ANXA8: variants seen among roughly 807,000 people sequenced by gnomAD.
ANXA8 encodes the protein VAC-beta.
ANXA8 carries 9 observed loss-of-function variants against 26.8 expected under a neutral mutation model. The observed-to-expected ratio is 0.34, with a 90% CI of 0.20 to 0.59. ANXA8 has a LOEUF of 0.59. Ranked by LOEUF, ANXA8 falls within the 20% of genes least tolerant of loss-of-function variation. The pLI is 0.84. For synonymous variants in ANXA8, 39 were observed against 94.8 expected, an observed-to-expected ratio of 0.41 and a Z score of 3.42; for missense variants, 83 against 238.5, an observed-to-expected ratio of 0.35 and a Z score of 4.29.
chr10:47,967,321 T>A, the ANXA8 span, among the ~76,000 whole-genome samples: 26 of 150,988 alleles, frequency 1.7e-4, 1 homozygote, highest in African/African-American at 5.9e-4. Context: ...CTGGAGAAAA[T>A]TTATCTACCT....
the ANXA8 span, among the ~76,000 whole-genome samples, chr10:47,626,527 T>C: frequency 1.3e-5 from 2 of 149,862 alleles, no homozygotes; most frequent in African/African-American, 2.5e-5. Context: ...TTTTATTCAG[T>C]TTTAGAACGT....
chr10:47,705,954 G>A, the ANXA8 span, among the ~76,000 whole-genome samples: 1 of 150,764 alleles, frequency 6.6e-6, no homozygotes, highest in Non-Finnish European at 1.5e-5. Flanking sequence ...GGCGGGCCAC[G>A]GCGCGAAGAG....
rs1281388669 is a variant in ANXA8, at chr10:47,483,450, T to C, written c.21+463A>G. ...CTCCGGTACCAGGACCCTTGAGCTG[T>C]GCTGAGCAGCTTCCCTCGAAGCCAA... is the stretch of plus-strand genomic sequence containing the variant. On this transcript the variant is annotated intron_variant, in intron 1 of 11. Coordinates refer to ENST00000585281, the MANE Select transcript of ANXA8 (RefSeq NM_001040084.3). Among the ~76,000 whole-genome samples the C allele has an allele frequency of 5.2e-5, 7 of 134,234 alleles. 1 individual carries two copies. The highest frequency in any genetic ancestry group is 9.3e-5 in the Non-Finnish European group (6 of 64,828). The allele number at this position is 134,234 out of a possible 152,430, so 88.1% of individuals were successfully genotyped here. A position where few individuals can be genotyped will look rare whatever the true frequency, so the allele number is the denominator to read the frequency against.
chr10:47,946,820 G>A, the ANXA8 span, among the ~76,000 whole-genome samples: 1 of 151,270 alleles, frequency 6.6e-6, no homozygotes, highest in African/African-American at 2.4e-5. Flanking sequence ...AGCCTTCCGA[G>A]TAGCTGAGAT....
chr10:47,559,993 G>T, the ANXA8 span, among the ~76,000 whole-genome samples: 1 of 150,804 alleles, frequency 6.6e-6, no homozygotes, highest in Non-Finnish European at 1.5e-5. Context: ...AGCTGGGAAA[G>T]AAAATTTAAC....
At chr10:47,703,546 C>A in the ANXA8 span, among the ~76,000 whole-genome samples, 1 of 147,400 alleles carries the variant, frequency 6.8e-6, no homozygotes, top group South Asian at 2.1e-4. Context: ...TCAGCCTGGG[C>A]AACAGAGTGA....
At chr10:47,743,357 C>CATATAT in the ANXA8 span, among the ~76,000 whole-genome samples, 1 of 41,702 alleles carries the variant, frequency 2.4e-5, no homozygotes, top group African/African-American at 6.8e-5. Context: ...TATATATACA[C>CATATAT]ATATATATAT....
chr10:47,949,622 G>A, the ANXA8 span, among the ~76,000 whole-genome samples: 1 of 150,702 alleles, frequency 6.6e-6, no homozygotes, highest in Non-Finnish European at 1.5e-5. Flanking sequence ...TAGCATGATG[G>A]ACAGAATGGA....
the ANXA8 span, among the ~76,000 whole-genome samples, chr10:47,715,112 C>T: frequency 0.05 from 30 of 606 alleles, no homozygotes; most frequent in African/African-American, 0.24. Context: ...AAATGATGAC[C>T]GTTCAGGAGG....
chr10:47,667,974 A>G, the ANXA8 span, among the ~76,000 whole-genome samples: 1 of 151,936 alleles, frequency 6.6e-6, no homozygotes, highest in Non-Finnish European at 1.5e-5. Flanking sequence ...CTGACCTCAA[A>G]TGATCCACTC....
chr10:47,519,545 C>A, the ANXA8 span, among the ~76,000 whole-genome samples: 4 of 101,000 alleles, frequency 4.0e-5, no homozygotes, highest in Admixed American at 3.2e-4. Flanking sequence ...CCTGCTTCCC[C>A]TTTGCCTTTT....
At chr10:47,679,465 G>A in the ANXA8 span, among the ~76,000 whole-genome samples, 6 of 152,010 alleles carry the variant, frequency 3.9e-5, no homozygotes, top group Non-Finnish European at 7.3e-5. Flanking sequence ...AATATAAAAA[G>A]TTAGCTAAGC....
chr10:47,705,829 G>A, the ANXA8 span, among the ~76,000 whole-genome samples: 1 of 151,806 alleles, frequency 6.6e-6, no homozygotes. Context: ...ACCGGGTCAT[G>A]ACGCAGCGAG....
the ANXA8 span, among the ~76,000 whole-genome samples, chr10:47,705,048 T>C: frequency 2.0e-5 from 3 of 152,070 alleles, no homozygotes; most frequent in Non-Finnish European, 4.4e-5. Flanking sequence ...GGAGGATCTC[T>C]TGAGGCAAAG....
the ANXA8 span, among the ~76,000 whole-genome samples, chr10:47,704,816 T>C: frequency 6.6e-6 from 1 of 152,032 alleles, no homozygotes; most frequent in Admixed American, 6.5e-5. Context: ...TAACAAAGTA[T>C]GTGCAAGACC....
At chr10:47,693,348 G>GCACTCTA in the ANXA8 span, among the ~76,000 whole-genome samples, 1 of 149,646 alleles carries the variant, frequency 6.7e-6, no homozygotes, top group South Asian at 2.1e-4. Flanking sequence ...AGAGTGCAGT[G>GCACTCTA]GCGCGATGTC....
chr10:47,568,086 G>C, the ANXA8 span: 1 of 417,220 alleles, frequency 2.4e-6, no homozygotes, highest in South Asian at 2.4e-5. Flanking sequence ...CCAGGCTGGA[G>C]TGCAACGGTG....
chr10:47,899,178 A>C, the ANXA8 span, among the ~76,000 whole-genome samples: 3 of 149,276 alleles, frequency 2.0e-5, no homozygotes, highest in Non-Finnish European at 4.5e-5. Flanking sequence ...AAATAATCAT[A>C]TTGCCATAAG....
At chr10:47,495,133 C>A in the ANXA8 span, among the ~76,000 whole-genome samples, 1 of 151,260 alleles carries the variant, frequency 6.6e-6, no homozygotes, top group African/African-American at 2.4e-5. Flanking sequence ...GACAGTGAGG[C>A]ACCCTGGTGA....
Sources: gnomAD v4.1 joint callset for allele counts (sites outside exome capture counted in the v4.1 genomes callset) on GRCh38, gnomAD v4.1.1 for gene constraint, MANE v1.5 for transcripts, NCBI Gene and HGNC (gene_info 2026-07-23, HGNC 2026-07-21) for gene names.